The following KDM3A variants were observed in gnomAD, a reference collection of about 807,000 sequenced individuals.
KDM3A encodes the protein lysine-specific demethylase 3A.
Under a neutral mutation model 158.0 loss-of-function variants are expected in KDM3A, and 60 were observed. The observed-to-expected ratio is 0.38, with a 90% CI of 0.31 to 0.47. The LOEUF (loss-of-function observed/expected upper bound fraction) is 0.47, where lower values mean the gene tolerates loss of function less well. Among genes scored for constraint, KDM3A ranks in the 20% least tolerant of loss-of-function variants. KDM3A has a pLI of 0.99. For missense variants in KDM3A, 1,319 were observed against 1,574.3 expected, an observed-to-expected ratio of 0.84 and a Z score of 2.74; for synonymous variants, 608 against 549.3, an observed-to-expected ratio of 1.11 and a Z score of -1.49.
chr2:86,442,072 T>C lies in KDM3A; in HGVS notation c.25T>C (p.Trp9Arg). Residue 9 changes from tryptophan (W) to arginine (R), a missense_variant, in exon 2 of 26, where the codon TGG becomes CGG. Around this residue, in one of 4 missense-constraint regions of KDM3A, gnomAD observed 652 missense variants for 627.2 expected, o/e 1.04. Transcript: ENST00000312912. Reference sequence around the variant, plus strand: ...CATGGTGCTCACGCTCGGAGAAAGTTGGCCGGTATTGGTGGGGAGGAGGTT... The same window carrying C: ...CATGGTGCTCACGCTCGGAGAAAGTCGGCCGGTATTGGTGGGGAGGAGGTT... MVLTLGES[W>R]PVLVGRRFLS... 6.2e-7 allele frequency: 1 copy of C among 1,614,080 alleles called. No individual in the cohort carries two copies. Among genetic ancestry groups the C allele is most frequent in the Non-Finnish European group, 8.5e-7 (1 of 1,179,990 alleles).
chr2:86,481,602 G>A (rs1300811993), intron 16 of KDM3A, among the ~76,000 whole-genome samples: 2 of 151,282 alleles, frequency 1.3e-5, no homozygotes, highest in African/African-American at 4.9e-5. Flanking sequence ...GTGCATTCAG[G>A]GAAAAAAAAT....
At chr2:86,462,384 G>C (rs1334398579) in intron 8 of KDM3A, among the ~76,000 whole-genome samples, 2 of 152,096 alleles carry the variant, frequency 1.3e-5, no homozygotes, top group African/African-American at 4.8e-5. Flanking sequence ...TGGTAAAATT[G>C]AGCCTTGAAT....
At chr2:86,457,490 T>A (rs1672757013) in intron 8 of KDM3A, among the ~76,000 whole-genome samples, 1 of 152,232 alleles carries the variant, frequency 6.6e-6, no homozygotes, top group Admixed American at 6.5e-5. Context: ...CTTTGCTAGT[T>A]CCAGATCTTG....
At chr2:86,461,383 C>T (rs749459465) in intron 8 of KDM3A, among the ~76,000 whole-genome samples, 7 of 152,134 alleles carry the variant, frequency 4.6e-5, no homozygotes, top group Non-Finnish European at 1.0e-4. Context: ...TCATCACTTC[C>T]TGTCACTTCA....
chr2:86,488,200 T>C (rs1674280899), intron 21 of KDM3A: 1 of 152,252 alleles, frequency 6.6e-6, no homozygotes, highest in Non-Finnish European at 1.5e-5. Flanking sequence ...TTCATTCATT[T>C]TATTTCTATT....
chr2:86,485,954 T>C, intron 21 of KDM3A, 95 bp downstream of exon 21: 1 of 1,304,532 alleles, frequency 7.7e-7, no homozygotes, highest in African/African-American at 1.5e-5. Flanking sequence ...AAAACACCCA[T>C]AATCCTAATG....
chr2:86,442,802 C>T (rs940324024), intron 2 of KDM3A, among the ~76,000 whole-genome samples: 9 of 151,678 alleles, frequency 5.9e-5, no homozygotes, highest in Non-Finnish European at 1.3e-4. Context: ...TGTGATGAGC[C>T]GGTGGGTGGG....
chr2:86,485,058 T>C (rs752387226), intron 20 of KDM3A, 29 bp downstream of exon 20: 9 of 1,208,762 alleles, frequency 7.4e-6, no homozygotes, highest in Non-Finnish European at 1.1e-5. Context: ...GGAGAGATGA[T>C]TCTGTCCTTC....
chr2:86,484,207 A>T (rs1341791803), intron 19 of KDM3A, 49 bp downstream of exon 19: 1 of 1,506,142 alleles, frequency 6.6e-7, no homozygotes, highest in African/African-American at 1.4e-5. Flanking sequence ...AAAGGAGGGG[A>T]CACAGGAATG....
rs556892585 is a variant in KDM3A, at chr2:86,452,127, C to T, written c.453+914C>T. On this transcript the variant is annotated intron_variant, in intron 4 of 25. Transcript: ENST00000312912. The stretch of plus-strand genomic sequence containing the variant: ...AGCTAAGGTTAAATAAGGTGATGTT[C>T]CACCTTGTTTCACTTATGCTGTAAA... 1.8e-4 allele frequency among the ~76,000 whole-genome samples: 27 copies of T among 151,944 alleles called. No homozygotes were observed. In the South Asian group the frequency reaches 5.6e-3, roughly 32 times the overall value.
At chr2:86,452,144 T>G (rs999508657) in intron 4 of KDM3A, among the ~76,000 whole-genome samples, 2 of 151,886 alleles carry the variant, frequency 1.3e-5, no homozygotes, top group Non-Finnish European at 2.9e-5. Flanking sequence ...GTTTCACTTA[T>G]GCTGTAAACA....
intron 8 of KDM3A, among the ~76,000 whole-genome samples, chr2:86,460,166 A>G (rs919194178): frequency 7.2e-5 from 11 of 152,216 alleles, no homozygotes; most frequent in African/African-American, 2.7e-4. Context: ...ATGTAATGTA[A>G]GGAAATACTT....
chr2:86,469,574 T>A (rs1269771229), intron 10 of KDM3A, among the ~76,000 whole-genome samples: 1 of 152,218 alleles, frequency 6.6e-6, no homozygotes, highest in Non-Finnish European at 1.5e-5. Flanking sequence ...CTGCATTTAC[T>A]TAGAATGATA....
At chr2:86,491,520 C>T (rs780899440) in intron 25 of KDM3A, 4 of 493,952 alleles carry the variant, frequency 8.1e-6, no homozygotes, top group Non-Finnish European at 1.5e-5. Context: ...AGAGAAAGGC[C>T]TTAGTACTGA....
chr2:86,475,726 C>T (rs1673631434), intron 12 of KDM3A, among the ~76,000 whole-genome samples: 2 of 152,212 alleles, frequency 1.3e-5, no homozygotes, highest in South Asian at 4.1e-4. Context: ...TTTCTTCCAT[C>T]ATTTTATCTT....
chr2:86,471,221 ATGTG>A (rs949487815), intron 11 of KDM3A, among the ~76,000 whole-genome samples: 2 of 151,342 alleles, frequency 1.3e-5, no homozygotes, highest in African/African-American at 2.4e-5. Context: ...ATATATATAT[ATGTG>A]TGTGTGTGTA....
In KDM3A at chr2:86,480,162, C is replaced by T. The variant is rs1673851415; in HGVS notation, c.2317-5C>T. 1.2e-6 allele frequency: 2 copies of T among 1,610,554 alleles called. No individual in the cohort carries two copies. The highest frequency in any genetic ancestry group is 2.7e-5 in the African/African-American group (2 of 74,960). On this transcript the variant is annotated splice_region_variant and splice_polypyrimidine_tract_variant and intron_variant, in intron 15 of 25. Transcript: ENST00000312912. ...TGTAAAATCGTCCTTTAATGCTTAACACAGACTTCTTTAGCTGGAGAAAAA... is the reference window on the plus strand; with the variant it reads ...TGTAAAATCGTCCTTTAATGCTTAATACAGACTTCTTTAGCTGGAGAAAAA...
chr2:86,482,052 A>C lies in KDM3A; in HGVS notation c.2635A>C (p.Asn879His). The change falls in exon 17 of 26, where the codon AAC (asparagine) becomes CAC (histidine). Residue 879 changes from asparagine to histidine, a missense_variant. By Grantham distance (68) the Asn-to-His change is moderately conservative (BLOSUM62 1). Transcript: ENST00000312912. ...FNSTILTPVSNNNSGFLRNLL... is the reference protein window; with the variant it reads ...FNSTILTPVSHNNSGFLRNLL... Reference sequence around the variant, plus strand: ...CAGCACAATTTTGACACCCGTAAGCAACAACAATTCTGGTTTCCTCCGGAA... The same window carrying C: ...CAGCACAATTTTGACACCCGTAAGCCACAACAATTCTGGTTTCCTCCGGAA... 6.2e-7 allele frequency: 1 copy of C among 1,613,724 alleles called. No homozygotes were observed.
intron 8 of KDM3A, chr2:86,460,660 C>T (rs918832016): frequency 3.3e-5 from 5 of 152,204 alleles, no homozygotes; most frequent in African/African-American, 1.2e-4. Context: ...CAGACTATTC[C>T]TCAGAGTTAC....
Sources: gnomAD v4.1 joint callset for allele counts (sites outside exome capture counted in the v4.1 genomes callset) on GRCh38, gnomAD v4.1.1 for gene constraint, gnomAD v4.1.1 regional missense constraint, MANE v1.5 for transcripts, NCBI Gene and HGNC (gene_info 2026-07-23, HGNC 2026-07-21) for gene names.